The following DNAAF4 variants were observed in gnomAD, a reference collection of about 807,000 sequenced individuals.
DNAAF4 encodes the protein dynein axonemal assembly factor 4.
A neutral mutation model predicts 51.8 loss-of-function variants in DNAAF4; 43 were observed. The observed-to-expected ratio is 0.83, with a 90% CI of 0.65 to 1.07. The LOEUF is 1.07. Ranked by LOEUF, DNAAF4 falls within the 50% of genes least tolerant of loss-of-function variation. The pLI is 0.00. For missense variants in DNAAF4, 581 were observed against 493.0 expected, an observed-to-expected ratio of 1.18 and a Z score of -1.69; for synonymous variants, 194 against 165.6, an observed-to-expected ratio of 1.17 and a Z score of -1.32.
chr15:55,468,861 A>G (rs1405647169), intron 4 of DNAAF4, among the ~76,000 whole-genome samples: 1 of 152,214 alleles, frequency 6.6e-6, no homozygotes, highest in Non-Finnish European at 1.5e-5. Context: ...ATAATAAGCT[A>G]TATTAGAGAC....
At chr15:55,437,434 CAAGAG>C (rs150617236) in intron 7 of DNAAF4, among the ~76,000 whole-genome samples, 7,386 of 151,916 alleles carry the variant, frequency 0.049, 245 homozygotes, top group East Asian at 0.15. Flanking sequence ...TTGTAACAGA[CAAGAG>C]AAAAGACCAA....
At chr15:55,421,044 G>A (rs2057383850) in intron 7 of DNAAF4, among the ~76,000 whole-genome samples, 2 of 151,914 alleles carry the variant, frequency 1.3e-5, no homozygotes. Context: ...CAAAAAATTA[G>A]CCAGGCGTGG....
chr15:55,435,770 G>A (rs1255588674), intron 7 of DNAAF4, among the ~76,000 whole-genome samples: 1 of 152,102 alleles, frequency 6.6e-6, no homozygotes, highest in East Asian at 1.9e-4. Context: ...TCTTCAAAAT[G>A]CAAAGTCTTT....
intron 3 of DNAAF4, among the ~76,000 whole-genome samples, chr15:55,494,231 G>T (rs1266604421): frequency 2.6e-5 from 4 of 151,876 alleles, no homozygotes; most frequent in African/African-American, 9.7e-5. Context: ...GTTTCTCCAT[G>T]TTGGTTAGGC....
rs565743327 is a variant in DNAAF4 at position 55,483,086 on chromosome 15, CTTTATTTA to C, written c.405+8029_405+8036del. The stretch of plus-strand genomic sequence containing the variant: ...AGTGACTGCTAATGAAAATAGGGCT[CTTTATTTA>C]TTTATTTATTTATTTATTTTGAGAC... On this transcript the variant is annotated intron_variant, in intron 4 of 9. Coordinates refer to ENST00000321149, the MANE Select transcript of DNAAF4 (RefSeq NM_130810.4). Among the ~76,000 whole-genome samples the C allele has an allele frequency of 1.6e-4, 25 of 151,672 alleles. 1 individual carries two copies. Among genetic ancestry groups the C allele is most frequent in the Admixed American group, 1.5e-3 (23 of 15,188 alleles).
chr15:55,423,363 A>G (rs2057403774), intron 7 of DNAAF4, among the ~76,000 whole-genome samples: 1 of 151,940 alleles, frequency 6.6e-6, no homozygotes, highest in Admixed American at 6.6e-5. Flanking sequence ...ATGCACCACC[A>G]TGCCTGGCTA....
Position 55,498,437 on chromosome 15 carries a change from G to C in DNAAF4, c.-108C>G. On this transcript the variant is annotated 5_prime_UTR_variant, in exon 2 of 10. Transcript: ENST00000321149. Reference sequence around the variant, plus strand: ...CCAGCCCTTCCGGGTCAGGCCGGCCGGGAGCCCGGCGTTCCCAGCGTGCTC... The same window carrying C: ...CCAGCCCTTCCGGGTCAGGCCGGCCCGGAGCCCGGCGTTCCCAGCGTGCTC... The C allele has an allele frequency of 4.1e-6, 6 of 1,476,834 alleles. No individual in the cohort carries two copies. The highest frequency in any genetic ancestry group is 5.4e-6 in the Non-Finnish European group (6 of 1,115,418). 91.5% of individuals were successfully genotyped at this position (1,476,834 alleles called of 1,614,324 possible).
downstream of DNAAF4, among the ~76,000 whole-genome samples, chr15:55,429,885 C>T (rs1457425357): frequency 1.3e-5 from 2 of 151,848 alleles, no homozygotes; most frequent in African/African-American, 4.8e-5. Context: ...AAAAGGGAAG[C>T]TGTGCTATTG....
intron 4 of DNAAF4, among the ~76,000 whole-genome samples, chr15:55,485,197 A>G (rs1382318417): frequency 6.6e-6 from 1 of 152,210 alleles, no homozygotes; most frequent in Non-Finnish European, 1.5e-5. Flanking sequence ...TTATGGAGAA[A>G]ATACAAAACA....
chr15:55,418,630 T>G (rs924935297), intron 7 of DNAAF4: 3 of 1,162,122 alleles, frequency 2.6e-6, no homozygotes, highest in Non-Finnish European at 3.5e-6. Context: ...GTGTTAAATC[T>G]AAGGGTAGAA....
At chr15:55,477,799 T>G (rs2058356362) in intron 4 of DNAAF4, among the ~76,000 whole-genome samples, 1 of 151,544 alleles carries the variant, frequency 6.6e-6, no homozygotes, top group Non-Finnish European at 1.5e-5. Flanking sequence ...GTGTGGCAGC[T>G]CACACCTATA....
chr15:55,441,274 A>G (rs941529803), intron 6 of DNAAF4, among the ~76,000 whole-genome samples: 1 of 149,278 alleles, frequency 6.7e-6, no homozygotes, highest in African/African-American at 2.5e-5. Flanking sequence ...GTTTCACCAT[A>G]TTGGCCAGGC....
At chr15:55,457,442 C>T (rs1430782865) in intron 5 of DNAAF4, among the ~76,000 whole-genome samples, 1 of 152,134 alleles carries the variant, frequency 6.6e-6, no homozygotes, top group Non-Finnish European at 1.5e-5. Flanking sequence ...CTAACCTTGC[C>T]CCCACCTGAT....
intron 6 of DNAAF4, among the ~76,000 whole-genome samples, chr15:55,440,831 G>A (rs953996903): frequency 1.3e-5 from 2 of 151,622 alleles, no homozygotes; most frequent in African/African-American, 4.8e-5. Flanking sequence ...ACAGGCACAC[G>A]CCACCATGCC....
At chr15:55,418,062 G>A (rs2057352491) in exon 8 of DNAAF4, 2 of 1,473,884 alleles carry the variant, frequency 1.4e-6, no homozygotes, top group Admixed American at 4.3e-5. Context: ...ATACGTGCAG[G>A]TCACTAGGGA....
rs542183267 is a variant in DNAAF4, at chr15:55,430,722, A to T, written c.1211T>A (p.Ile404Asn). 6.2e-7 allele frequency: 1 copy of T among 1,613,436 alleles called. No individual in the cohort carries two copies. Among genetic ancestry groups the T allele is most frequent in the African/African-American group, 1.3e-5 (1 of 75,008 alleles). The change falls in exon 10 of 10, where the codon ATT (isoleucine) becomes AAT (asparagine). Residue 404 changes from isoleucine to asparagine, a missense_variant. Physicochemically the swap from Ile to Asn is moderately radical, Grantham distance 149 (BLOSUM62 -3). Coordinates refer to ENST00000321149, the MANE Select transcript of DNAAF4 (RefSeq NM_130810.4). The stretch of plus-strand genomic sequence containing the variant: ...TACATTCCGAATCTTCTCAGCATCA[A>T]TTTGTACAATTTTGTTGGATGGATC... Reference protein sequence around the residue: ...KIDPSNKIVQIDAEKIRNVIQ... With the variant: ...KIDPSNKIVQNDAEKIRNVIQ...
chr15:55,506,597 C>G (rs2058728559), intron 1 of DNAAF4, among the ~76,000 whole-genome samples: 2 of 152,144 alleles, frequency 1.3e-5, no homozygotes, highest in South Asian at 4.1e-4. Flanking sequence ...TTTCCCCCAT[C>G]TGAGAATTAC....
At chr15:55,505,021 A>G (rs113098866) in intron 1 of DNAAF4, among the ~76,000 whole-genome samples, 9,453 of 152,276 alleles carry the variant, frequency 0.062, 382 homozygotes, top group Middle Eastern at 0.092. Flanking sequence ...CAATCTATCC[A>G]TCTGACAAAG....
intron 7 of DNAAF4, among the ~76,000 whole-genome samples, chr15:55,421,903 ATAAT>A (rs987339388): frequency 1.1e-4 from 1 of 8,908 alleles, no homozygotes; most frequent in Non-Finnish European, 1.7e-4. Flanking sequence ...AAAATGTATA[ATAAT>A]AATAATAATA....
Sources: allele counts gnomAD v4.1 joint callset (sites outside exome capture counted in the v4.1 genomes callset), GRCh38; gene constraint gnomAD v4.1.1; transcripts MANE v1.5; gene names NCBI Gene and HGNC (gene_info 2026-07-23, HGNC 2026-07-21).